The following KCNJ15 variants were observed in gnomAD, a reference collection of about 807,000 sequenced individuals.
The protein encoded by KCNJ15 is potassium inwardly rectifying channel subfamily J member 15.
A neutral mutation model predicts 23.0 loss-of-function variants in KCNJ15; 14 were observed. The ratio of observed to expected loss-of-function variants is 0.61; its 90% CI spans 0.40 to 0.95. KCNJ15 has a LOEUF of 0.95. Among genes scored for constraint, KCNJ15 ranks in the 40% least tolerant of loss-of-function variants. The probability of loss-of-function intolerance (pLI) is 0.00; values close to 1 mark genes in which losing one functional copy is unlikely to be tolerated. For missense variants in KCNJ15, 388 were observed against 461.8 expected, an observed-to-expected ratio of 0.84 and a Z score of 1.46; for synonymous variants, 185 against 183.2, an observed-to-expected ratio of 1.01 and a Z score of -0.08.
intron 1 of KCNJ15, among the ~76,000 whole-genome samples, chr21:38,241,820 T>A (rs1194189707): frequency 6.6e-6 from 1 of 151,720 alleles, no homozygotes; most frequent in Non-Finnish European, 1.5e-5. Flanking sequence ...ACAAAAAAAA[T>A]TAGCTGGACA....
chr21:38,295,156 T>G (rs987792439), intron 1 of KCNJ15, among the ~76,000 whole-genome samples: 1 of 152,248 alleles, frequency 6.6e-6, no homozygotes, highest in South Asian at 2.1e-4. Flanking sequence ...TTACTTTTAT[T>G]ATTATTTTCA....
At chr21:38,290,146 T>C (rs951464242) in intron 1 of KCNJ15, among the ~76,000 whole-genome samples, 1 of 152,222 alleles carries the variant, frequency 6.6e-6, no homozygotes, top group Non-Finnish European at 1.5e-5. Flanking sequence ...AAATATTCAG[T>C]AAATGATACC....
At position 38,239,825 on chromosome 21, in the gene KCNJ15, G is replaced by A. The variant is rs532012102; in HGVS notation, c.-398-17221G>A. 2.3e-4 allele frequency among the ~76,000 whole-genome samples: 35 copies of A among 152,316 alleles called. No homozygotes were observed. The East Asian group carries it at 3.9e-3, about 17-fold the overall frequency. Reference sequence around the variant, plus strand: ...ACATTTATTTTATGTCTGCTTTGCCGTGACTGCCCTACAGTGGAAACAGGA... The same window carrying A: ...ACATTTATTTTATGTCTGCTTTGCCATGACTGCCCTACAGTGGAAACAGGA... On this transcript the variant is annotated intron_variant, in intron 1 of 4. Transcript: ENST00000547341.
At chr21:38,272,877 A>C (rs2836268) in intron 1 of KCNJ15, among the ~76,000 whole-genome samples, 108,706 of 152,104 alleles carry the variant, frequency 0.71, 39,205 homozygotes, top group Non-Finnish European at 0.77. Flanking sequence ...CACTCTAAAG[A>C]CTGGAACCTC....
At chr21:38,234,887 C>A (rs1978498712) in intron 1 of KCNJ15, among the ~76,000 whole-genome samples, 1 of 152,212 alleles carries the variant, frequency 6.6e-6, no homozygotes, top group South Asian at 2.1e-4. Flanking sequence ...GCAAATCTGG[C>A]AACAGAGATG....
At chr21:38,269,230 T>C (rs1390236347) in intron 1 of KCNJ15, among the ~76,000 whole-genome samples, 1 of 152,176 alleles carries the variant, frequency 6.6e-6, no homozygotes, top group East Asian at 1.9e-4. Context: ...CTTTTTGTTC[T>C]AAAAACAAAA....
intron 1 of KCNJ15, among the ~76,000 whole-genome samples, chr21:38,232,699 T>G (rs4817929): frequency 0.46 from 69,981 of 151,772 alleles, 16,939 homozygotes; most frequent in East Asian, 0.86. Context: ...GACTTCTTCT[T>G]TGAATCACTG....
At chr21:38,235,557 CA>C (rs200638808) in intron 1 of KCNJ15, among the ~76,000 whole-genome samples, 2 of 151,720 alleles carry the variant, frequency 1.3e-5, no homozygotes. Flanking sequence ...TCATCTCAAG[CA>C]AAAAAACAAA....
In KCNJ15 at chr21:38,269,609, G is replaced by C. The variant is rs76321941; in HGVS notation, c.-117+12424G>C. Among the ~76,000 whole-genome samples, 904 of 152,318 alleles carry C rather than the reference G, an allele frequency of 5.9e-3. 14 individuals carry two copies. Among genetic ancestry groups the C allele is most frequent in the African/African-American group, 0.02 (851 of 41,580 alleles). ...TGGCATGCAAGTGAGCCTTGCTCTG[G>C]AATTTGGGTGGGTCTAGGAAAAAGC... On this transcript the variant is annotated intron_variant, in intron 1 of 2. Coordinates refer to ENST00000398938, the MANE Select transcript of KCNJ15 (RefSeq NM_170736.3).
At position 38,302,459 on chromosome 21, in the gene KCNJ15, T is replaced by C. The variant is rs1985866984; in HGVS notation, c.*2070T>C. ...CTCAATCCATGAACGAGAGGGAGGA[T>C]GTTGTCTTTAATTATTTAGAAGGTT... On this transcript the variant is annotated 3_prime_UTR_variant, in exon 3 of 3. Coordinates refer to ENST00000398938, the MANE Select transcript of KCNJ15 (RefSeq NM_170736.3). 6.6e-6 allele frequency: 1 copy of C among 152,210 alleles called. No homozygotes were observed. The highest frequency in any genetic ancestry group is 1.5e-5 in the Non-Finnish European group (1 of 68,042). The allele number at this position is 152,210 out of a possible 1,614,324, so 9.4% of individuals were successfully genotyped here.
chr21:38,269,556 GA>G lies in KCNJ15; in HGVS notation c.-117+12373del, dbSNP rs1200045261. ...TATCTCCTCTGTTTTATAAGGAGAA[GA>G]AGGGATAAAGAAAAAGAAAATCAAC... On this transcript the variant is annotated intron_variant, in intron 1 of 2. Coordinates refer to ENST00000398938, the MANE Select transcript of KCNJ15 (RefSeq NM_170736.3). Among the ~76,000 whole-genome samples the G allele has an allele frequency of 3.3e-5, 5 of 152,308 alleles. No individual in the cohort carries two copies. The South Asian group carries it at 8.3e-4, about 25-fold the overall frequency.
intron 1 of KCNJ15, among the ~76,000 whole-genome samples, chr21:38,257,853 C>T (rs1978538742): frequency 6.6e-6 from 1 of 152,126 alleles, no homozygotes; most frequent in South Asian, 2.1e-4. Context: ...TCCTGTAACG[C>T]CAACGTTTGT....
intron 1 of KCNJ15, among the ~76,000 whole-genome samples, chr21:38,271,184 C>G (rs1357762981): frequency 6.6e-6 from 1 of 152,262 alleles, no homozygotes. Context: ...TCTAGTCCGT[C>G]TCTCTGTGCT....
At chr21:38,286,039 T>A (rs371742265) in intron 1 of KCNJ15, among the ~76,000 whole-genome samples, 53 of 152,102 alleles carry the variant, frequency 3.5e-4, no homozygotes, top group African/African-American at 1.3e-3. Context: ...GTCAGGAGAT[T>A]GAGACCATCC....
chr21:38,238,534 A>C lies in KCNJ15; in HGVS notation c.-398-18512A>C, dbSNP rs547274670. 2.0e-4 allele frequency: 130 copies of C among 640,180 alleles called. 4 individuals are homozygous for C. The highest frequency in any genetic ancestry group is 1.8e-3 in the South Asian group (128 of 69,722). 39.7% of individuals were successfully genotyped at this position (640,180 alleles called of 1,614,324 possible). On this transcript the variant is annotated intron_variant, in intron 1 of 4. Coordinates refer to the KCNJ15 transcript ENST00000547341. ...GGCACGGACCATCTCCGGCAATGCC[A>C]CCGGGACATGGTGCATGTGCTGGGA...
At chr21:38,297,386 T>C (rs1985269207) in intron 2 of KCNJ15, among the ~76,000 whole-genome samples, 1 of 152,182 alleles carries the variant, frequency 6.6e-6, no homozygotes, top group Non-Finnish European at 1.5e-5. Flanking sequence ...CTTTCCAGAA[T>C]CTGGCAGAGG....
chr21:38,284,196 A>C (rs1490016283), intron 1 of KCNJ15, among the ~76,000 whole-genome samples: 1 of 152,216 alleles, frequency 6.6e-6, no homozygotes, highest in Non-Finnish European at 1.5e-5. Context: ...GGGATTCTGC[A>C]CAAGCGTGAG....
At chr21:38,247,549 GA>G (rs1385654065) in intron 1 of KCNJ15, among the ~76,000 whole-genome samples, 4 of 151,804 alleles carry the variant, frequency 2.6e-5, no homozygotes, top group South Asian at 2.1e-4. Flanking sequence ...TGGATGGATG[GA>G]TGGATGGATG....
intron 1 of KCNJ15, among the ~76,000 whole-genome samples, chr21:38,235,125 G>A (rs566963838): frequency 2.6e-5 from 4 of 152,248 alleles, no homozygotes; most frequent in Admixed American, 2.6e-4. Flanking sequence ...ATCACTCTTT[G>A]GACACAGAAA....
Sources: allele counts gnomAD v4.1 joint callset (sites outside exome capture counted in the v4.1 genomes callset), GRCh38; gene constraint gnomAD v4.1.1; transcripts MANE v1.5; gene names NCBI Gene and HGNC (gene_info 2026-07-23, HGNC 2026-07-21).